The following FBXL17 variants were observed in gnomAD, a reference collection of about 807,000 sequenced individuals.
FBXL17 encodes the protein F-box and leucine rich repeat protein 17.
FBXL17 carries 22 observed loss-of-function variants against 66.2 expected under a neutral mutation model. The observed-to-expected ratio is 0.33, with a 90% CI of 0.24 to 0.47. The LOEUF is 0.47. Among genes scored for constraint, FBXL17 ranks in the 20% least tolerant of loss-of-function variants. The pLI, the probability that FBXL17 is intolerant of heterozygous loss-of-function variation, is 1.00. For missense variants in FBXL17, 878 were observed against 948.2 expected, an observed-to-expected ratio of 0.93 and a Z score of 0.97; for synonymous variants, 474 against 400.5, an observed-to-expected ratio of 1.18 and a Z score of -2.19.
chr5:108,339,287 T>TA (rs1311308790), intron 4 of FBXL17, among the ~76,000 whole-genome samples: 4 of 152,152 alleles, frequency 2.6e-5, no homozygotes, highest in Non-Finnish European at 4.4e-5. Context: ...ATCCAAATAA[T>TA]ACATTTCACT....
At chr5:107,864,145 C>T (rs1392989731) in intron 8 of FBXL17, among the ~76,000 whole-genome samples, 3 of 152,130 alleles carry the variant, frequency 2.0e-5, no homozygotes, top group Non-Finnish European at 2.9e-5. Flanking sequence ...TAATATGCCT[C>T]GCACTGTGAC....
chr5:108,254,228 G>A (rs914572535), intron 4 of FBXL17, among the ~76,000 whole-genome samples: 1 of 152,130 alleles, frequency 6.6e-6, no homozygotes, highest in Admixed American at 6.5e-5. Flanking sequence ...TGTAAACTGT[G>A]CTTCTAGAAA....
At chr5:107,966,770 A>T (rs770180794) in intron 7 of FBXL17, among the ~76,000 whole-genome samples, 2 of 152,052 alleles carry the variant, frequency 1.3e-5, no homozygotes, top group Non-Finnish European at 1.5e-5. Flanking sequence ...TACAACTATC[A>T]CCACATCTAG....
intron 6 of FBXL17, among the ~76,000 whole-genome samples, chr5:108,134,170 A>G (rs1460077165): frequency 6.6e-6 from 1 of 152,166 alleles, no homozygotes; most frequent in Non-Finnish European, 1.5e-5. Context: ...AGTATTTGCT[A>G]AAAGACCACA....
chr5:108,123,987 T>C (rs558196354), intron 6 of FBXL17, among the ~76,000 whole-genome samples: 1 of 152,144 alleles, frequency 6.6e-6, no homozygotes, highest in African/African-American at 2.4e-5. Flanking sequence ...ATATTAAAGA[T>C]ACAATAAGTT....
intron 7 of FBXL17, among the ~76,000 whole-genome samples, chr5:107,890,393 G>C (rs1749159571): frequency 6.6e-6 from 1 of 151,958 alleles, no homozygotes; most frequent in Non-Finnish European, 1.5e-5. Flanking sequence ...TGGGCATGGT[G>C]GTTCATGCCT....
chr5:108,257,130 G>T (rs1477836839), intron 4 of FBXL17, among the ~76,000 whole-genome samples: 1 of 152,144 alleles, frequency 6.6e-6, no homozygotes, highest in East Asian at 1.9e-4. Flanking sequence ...ACTTAACACT[G>T]ATTAGCTATC....
At chr5:108,044,628 G>T (rs2909881) in intron 6 of FBXL17, among the ~76,000 whole-genome samples, 151,909 of 152,300 alleles carry the variant, frequency 1, 75,761 homozygotes, top group Middle Eastern at 1. Context: ...ATTTTGCTCA[G>T]CAGGGTAATA....
Position 108,172,822 on chromosome 5 carries a change from T to C in FBXL17, c.1745+13295A>G, listed in dbSNP as rs539387404. 2.0e-5 allele frequency among the ~76,000 whole-genome samples: 3 copies of C among 152,308 alleles called. No homozygotes were observed. The South Asian group carries it at 6.2e-4, about 32-fold the overall frequency. On this transcript the variant is annotated intron_variant, in intron 6 of 8. Transcript: ENST00000542267. Reference sequence around the variant, plus strand: ...TTTATTTGTTTATTGTTTTTTGAGATGGAGTTTAGCTCTTGTTGCCCAGGC... The same window carrying C: ...TTTATTTGTTTATTGTTTTTTGAGACGGAGTTTAGCTCTTGTTGCCCAGGC...
intron 5 of FBXL17, among the ~76,000 whole-genome samples, chr5:108,192,144 G>A (rs1038876035): frequency 3.3e-5 from 5 of 152,118 alleles, no homozygotes; most frequent in Non-Finnish European, 7.4e-5. Flanking sequence ...ATTTCATAAT[G>A]GTGCCCCCAG....
intron 4 of FBXL17, among the ~76,000 whole-genome samples, chr5:108,236,950 T>G (rs182178938): frequency 1.3e-5 from 2 of 152,244 alleles, no homozygotes; most frequent in East Asian, 3.9e-4. Flanking sequence ...AAAACAGTCA[T>G]ATAGATTCGG....
rs149845750 is a variant in FBXL17, at chr5:108,308,671, G to A, written c.1506+39728C>T. ...GAGCACTGTGACACATCAGGTTGCT[G>A]CTCAGAACAGAATTAACTTTGGCCT... On this transcript the variant is annotated intron_variant, in intron 4 of 8. Transcript: ENST00000542267. 2.8e-3 allele frequency among the ~76,000 whole-genome samples: 420 copies of A among 152,216 alleles called. 4 individuals are homozygous for A. The highest frequency in any genetic ancestry group is 9.6e-3 in the African/African-American group (398 of 41,558).
At chr5:108,306,984 T>A (rs1044196065) in intron 4 of FBXL17, among the ~76,000 whole-genome samples, 1 of 152,110 alleles carries the variant, frequency 6.6e-6, no homozygotes, top group African/African-American at 2.4e-5. Context: ...ACTTCCTCTC[T>A]TTTTTATGAT....
rs542447337 is a variant in FBXL17 at position 108,001,480 on chromosome 5, A to C, written c.1822+19445T>G. On this transcript the variant is annotated intron_variant, in intron 7 of 8. Transcript: ENST00000542267. ...ATATTTATTTGGCTGAAAATGCAGA[A>C]GGAAAATTAGTTTTTTTTTGTATTT... Among the ~76,000 whole-genome samples, 36 of 152,304 alleles carry C rather than the reference A, an allele frequency of 2.4e-4. No individual in the cohort carries two copies. The South Asian group carries it at 7.2e-3, about 31-fold the overall frequency.
intron 3 of FBXL17, among the ~76,000 whole-genome samples, chr5:108,361,900 G>C (rs181162587): frequency 6.6e-6 from 1 of 152,278 alleles, no homozygotes; most frequent in African/African-American, 2.4e-5. Flanking sequence ...CCCACACTGG[G>C]AACTCGGACT....
At chr5:107,865,561 G>A (rs1452601109) in intron 8 of FBXL17, among the ~76,000 whole-genome samples, 1 of 152,056 alleles carries the variant, frequency 6.6e-6, no homozygotes, top group Non-Finnish European at 1.5e-5. Flanking sequence ...ATAGGTTTGG[G>A]GTAAGAATAG....
intron 5 of FBXL17, among the ~76,000 whole-genome samples, chr5:108,219,928 C>CTTTTTTTTTTTTTTT: frequency 8.5e-4 from 32 of 37,444 alleles, no homozygotes; most frequent in Admixed American, 1.4e-3. Flanking sequence ...TTACTATTTC[C>CTTTTTTTTTTTTTTT]TTTTTTTTTT....
chr5:108,363,577 A>G (rs1748478956), intron 3 of FBXL17, among the ~76,000 whole-genome samples: 1 of 152,026 alleles, frequency 6.6e-6, no homozygotes, highest in African/African-American at 2.4e-5. Flanking sequence ...GAAGATTTAC[A>G]TAATTACTCT....
rs1554077844 is a variant in FBXL17, at chr5:108,232,792, T to TATATATATATATATATTA, written c.1507-8565_1507-8564insTAATATATATATATATAT. On this transcript the variant is annotated intron_variant, in intron 4 of 8. Coordinates refer to ENST00000542267, the MANE Select transcript of FBXL17 (RefSeq NM_001163315.3). ...CTGAATAAGCTCTCACATATATATA[T>TATATATATATATATATTA]ATATATATATATAATATATACTATT... Among the ~76,000 whole-genome samples, 4 of 109,530 alleles carry TATATATATATATATATTA rather than the reference T, an allele frequency of 3.7e-5. 1 individual carries two copies. The highest frequency in any genetic ancestry group is 6.1e-5 in the Non-Finnish European group (3 of 49,372). 71.9% of individuals were successfully genotyped at this position (109,530 alleles called of 152,430 possible).
Sources: allele counts gnomAD v4.1 joint callset (sites outside exome capture counted in the v4.1 genomes callset), GRCh38; gene constraint gnomAD v4.1.1; transcripts MANE v1.5; gene names NCBI Gene and HGNC (gene_info 2026-07-23, HGNC 2026-07-21).